The following MYO7B variants were observed in gnomAD, a reference collection of about 807,000 sequenced individuals.
The protein encoded by MYO7B is myosin VIIB.
In MYO7B, 212 loss-of-function variants were observed where a neutral mutation model predicts 259.7. The observed-to-expected ratio is 0.82, with a 90% confidence interval of 0.73 to 0.91. MYO7B has a LOEUF of 0.91. MYO7B is among the 40% of genes least tolerant of loss of function. The pLI is 0.00. For missense variants in MYO7B, 2,732 were observed against 2,813.5 expected (o/e 0.97, Z 0.66); for synonymous variants, 1,197 against 1,166.4 (o/e 1.03, Z -0.54).
Position 127,628,553 on chromosome 2 carries a change from G to A in MYO7B, c.4624+18G>A, listed in dbSNP as rs1681281730. On this transcript the variant is annotated intron_variant, in intron 34 of 47. Coordinates refer to ENST00000409816, the MANE Select transcript of MYO7B (RefSeq NM_001393586.1). The surrounding 1 kb of genome is among the most constrained non-coding windows in gnomAD (Gnocchi z 4.8). ...GGCCACAGGTGCCAGACTGGGTGGG[G>A]TGGGGTGGGGTGGGGTGGGGTGGGG... 1.7e-6 allele frequency: 2 copies of A among 1,186,414 alleles called. No homozygotes were observed. The highest frequency in any genetic ancestry group is 2.3e-6 in the Non-Finnish European group (2 of 858,160). The allele number at this position is 1,186,414 out of a possible 1,614,324, so 73.5% of individuals were successfully genotyped here.
chr2:127,635,043 G>A, intron 42 of MYO7B, 77 bp from the exon 43 acceptor site: 5 of 1,174,684 alleles, frequency 4.3e-6, no homozygotes, highest in Non-Finnish European at 6.2e-6. Flanking sequence ...GGCAGGCGCA[G>A]TGTGGGGGGT....
intron 26 of MYO7B, among the ~76,000 whole-genome samples, chr2:127,616,082 T>G (rs1558837495): frequency 6.6e-6 from 1 of 152,064 alleles, no homozygotes; most frequent in Non-Finnish European, 1.5e-5. Flanking sequence ...AAGCATCCGC[T>G]CCACAAGCTG....
chr2:127,574,179 A>G, intron 7 of MYO7B, 117 bp downstream of exon 7: 2 of 1,308,338 alleles, frequency 1.5e-6, no homozygotes, highest in Non-Finnish European at 2.1e-6. Flanking sequence ...CCCAGAACCC[A>G]CAGGCCTCAC....
intron 15 of MYO7B, 49 bp downstream of exon 15, chr2:127,588,604 G>C (rs746574819): frequency 6.2e-7 from 1 of 1,606,332 alleles, no homozygotes; most frequent in East Asian, 2.2e-5. Context: ...ATGGCTACAG[G>C]GCCAGACAGA....
At chr2:127,635,643 A>T in intron 43 of MYO7B, 79 bp from the exon 44 acceptor site, 1 of 1,445,128 alleles carries the variant, frequency 6.9e-7, no homozygotes, top group Non-Finnish European at 9.4e-7. Context: ...CCAGTTCCCC[A>T]CCATCTGAGC....
chr2:127,548,173 A>G (rs967576344), intron 1 of MYO7B, among the ~76,000 whole-genome samples: 15 of 152,224 alleles, frequency 9.9e-5, no homozygotes, highest in African/African-American at 2.9e-4. Flanking sequence ...CATTTCCAAT[A>G]GTAGTTAATT....
chr2:127,627,496 C>G lies in MYO7B; in HGVS notation c.4460+186C>G. 1 of 836,606 alleles carries G rather than the reference C, an allele frequency of 1.2e-6. No homozygotes were observed. The highest frequency in any genetic ancestry group is 2.0e-6 in the Non-Finnish European group (1 of 512,098). The allele number at this position is 836,606 out of a possible 1,614,324, so 51.8% of individuals were successfully genotyped here. A position where few individuals can be genotyped will look rare whatever the true frequency, so the allele number is the denominator to read the frequency against. On this transcript the variant is annotated intron_variant, in intron 33 of 47. Coordinates refer to ENST00000409816, the MANE Select transcript of MYO7B (RefSeq NM_001393586.1). The surrounding 1 kb of genome is among the most constrained non-coding windows in gnomAD (Gnocchi z 5.6). ...CCCCACCCTCCTGCACCAGGCCGTA[C>G]TGCCCATGAAGTACTCCATTGGGGC...
Position 127,576,494 on chromosome 2 carries a change from G to A in MYO7B, c.736-101G>A, listed in dbSNP as rs1322725169. On this transcript the variant is annotated intron_variant, in intron 7 of 47. Transcript: ENST00000409816. The surrounding 1 kb of genome is among the most constrained non-coding windows in gnomAD (Gnocchi z 4.9). ...GAGCTGCTCCTGGCTGAGAGATGTG[G>A]AGCGGAGGCCAGGGCTGGGCTGGGC... 7.6e-6 allele frequency: 5 copies of A among 658,696 alleles called. No individual in the cohort carries two copies. In the East Asian group the frequency reaches 1.2e-4, roughly 16 times the overall value. The allele number at this position is 658,696 out of a possible 1,614,324, so 40.8% of individuals were successfully genotyped here.
rs534504473 is a variant in MYO7B at position 127,635,038 on chromosome 2, G to A, written c.5714-82G>A. 35 of 1,107,376 alleles carry A rather than the reference G, an allele frequency of 3.2e-5. 1 individual carries two copies. Among genetic ancestry groups the A allele is most frequent in the African/African-American group, 2.5e-4 (16 of 64,634 alleles). 68.6% of individuals were successfully genotyped at this position (1,107,376 alleles called of 1,614,324 possible). A position where few individuals can be genotyped will look rare whatever the true frequency, so the allele number is the denominator to read the frequency against. ...GGCTTTCGAGGCAGGGAGGTGGCAG[G>A]CGCAGTGTGGGGGGTGGCAGGGGGT... On this transcript the variant is annotated intron_variant, in intron 42 of 47. Transcript: ENST00000409816.
intron 1 of MYO7B, among the ~76,000 whole-genome samples, chr2:127,537,719 G>A (rs1692844294): frequency 1.3e-5 from 2 of 151,932 alleles, no homozygotes; most frequent in African/African-American, 4.8e-5. Flanking sequence ...GGGAGGAGAA[G>A]GAGAAGGAGG....
Position 127,629,521 on chromosome 2 carries a change from G to T in MYO7B, c.4625-124G>T, listed in dbSNP as rs989195276. 4 of 922,486 alleles carry T rather than the reference G, an allele frequency of 4.3e-6. No homozygotes were observed. In the Admixed American group the frequency reaches 1.1e-4, roughly 25 times the overall value. The allele number at this position is 922,486 out of a possible 1,614,324, so 57.1% of individuals were successfully genotyped here. ...CCAGTCCCACCATCGCTCACTCTTG[G>T]AGTGGTCTTCTGCCCACCACTCTAT... On this transcript the variant is annotated intron_variant, in intron 34 of 47. Transcript: ENST00000409816.
At chr2:127,564,007 A>G (rs189995512) in intron 2 of MYO7B, 146 bp from the exon 3 acceptor site, 20 of 574,284 alleles carry the variant, frequency 3.5e-5, no homozygotes, top group Non-Finnish European at 5.3e-5. Context: ...GAGAGATGGG[A>G]GAGGGGAGGA....
At chr2:127,588,664 T>C (rs1679399647) in intron 15 of MYO7B, 109 bp downstream of exon 15, 2 of 1,343,070 alleles carry the variant, frequency 1.5e-6, no homozygotes, top group East Asian at 2.3e-5. Flanking sequence ...CAGCATGCAG[T>C]TGGCACTTGG....
Position 127,623,372 on chromosome 2 carries a change from C to A in MYO7B, c.3816C>A (p.Asp1272Glu), listed in dbSNP as rs761254895. 1 of 1,583,950 alleles carries A rather than the reference C, an allele frequency of 6.3e-7. No homozygotes were observed. The highest frequency in any genetic ancestry group is 2.3e-5 in the East Asian group (1 of 44,172). The change falls in exon 29 of 48, where the codon GAC (aspartate) becomes GAA (glutamate). Residue 1272 changes from aspartate to glutamate, a missense_variant. This residue lies in a region of MYO7B where 1,906 missense variants were observed against 2,026.4 expected (regional missense o/e 0.94). Coordinates refer to ENST00000409816, the MANE Select transcript of MYO7B (RefSeq NM_001393586.1). ...LGFSLQVAVYDKFWSLGSGRD... is the reference protein window; with the variant it reads ...LGFSLQVAVYEKFWSLGSGRD... ...TCTCCCTCCAGGTCGCCGTGTACGA[C>A]AAGGTACCAGCCAGGCACCCTGCCC...
rs529059101 is a variant in MYO7B, at chr2:127,598,801, T to A, written c.2339+2245T>A. On this transcript the variant is annotated intron_variant, in intron 19 of 47. Transcript: ENST00000409816. Reference sequence around the variant, plus strand: ...GGTTCTTTTAAATTTTTTTCTATGGTTGTCTCCCCAGTATTATTCATAAAA... The same window carrying A: ...GGTTCTTTTAAATTTTTTTCTATGGATGTCTCCCCAGTATTATTCATAAAA... Among the ~76,000 whole-genome samples, 121 of 152,348 alleles carry A rather than the reference T, an allele frequency of 7.9e-4. 1 individual carries two copies. In the South Asian group the frequency reaches 0.024, roughly 31 times the overall value.
At position 127,546,388 on chromosome 2, in the gene MYO7B, C is replaced by G. The variant is rs1166613613; in HGVS notation, c.-24+10557C>G. Reference sequence around the variant, plus strand: ...TTGCCCACTCCAGCCCTGTCCTGGTCCAGCAATGCTTTGATCTTCCCTGCA... The same window carrying G: ...TTGCCCACTCCAGCCCTGTCCTGGTGCAGCAATGCTTTGATCTTCCCTGCA... On this transcript the variant is annotated intron_variant, in intron 1 of 47. Transcript: ENST00000409816. The surrounding 1 kb of genome is among the most constrained non-coding windows in gnomAD (Gnocchi z 4.2). Among the ~76,000 whole-genome samples, 2 of 152,178 alleles carry G rather than the reference C, an allele frequency of 1.3e-5. No homozygotes were observed. Among genetic ancestry groups the G allele is most frequent in the Non-Finnish European group, 2.9e-5 (2 of 68,030 alleles).
chr2:127,586,426 G>A lies in MYO7B; in HGVS notation c.1690+1513G>A, dbSNP rs1397273285. On this transcript the variant is annotated intron_variant, in intron 14 of 47. Coordinates refer to ENST00000409816, the MANE Select transcript of MYO7B (RefSeq NM_001393586.1). This position sits in a 1 kb window ranked among gnomAD's most constrained non-coding sequence, Gnocchi z 4.8. ...GTTCTGGTCTATTTAACTGGAGACA[G>A]GAATCCAGGGATGATTCTTTTGAGT... Among the ~76,000 whole-genome samples, 1 of 152,202 alleles carries A rather than the reference G, an allele frequency of 6.6e-6. No homozygotes were observed. The highest frequency in any genetic ancestry group is 1.9e-4 in the East Asian group (1 of 5,190).
chr2:127,632,005 G>A (rs1018124231), intron 38 of MYO7B, among the ~76,000 whole-genome samples: 2 of 152,228 alleles, frequency 1.3e-5, no homozygotes, highest in African/African-American at 4.8e-5. Context: ...TGACCTCTCT[G>A]AGCTTCAGTG....
Position 127,590,482 on chromosome 2 carries a change from G to C in MYO7B, c.1992+253G>C, listed in dbSNP as rs1679516077. On this transcript the variant is annotated intron_variant, in intron 16 of 47. Coordinates refer to ENST00000409816, the MANE Select transcript of MYO7B (RefSeq NM_001393586.1). The surrounding 1 kb of genome is among the most constrained non-coding windows in gnomAD (Gnocchi z 4.6). Reference sequence around the variant, plus strand: ...GCATCTTCTGTGCGTTCTTGGCCTGGCTCTTTGCTGCTGTGAGCCTCAGTT... The same window carrying C: ...GCATCTTCTGTGCGTTCTTGGCCTGCCTCTTTGCTGCTGTGAGCCTCAGTT... Among the ~76,000 whole-genome samples the C allele has an allele frequency of 6.6e-6, 1 of 152,212 alleles. No homozygotes were observed. Among genetic ancestry groups the C allele is most frequent in the Non-Finnish European group, 1.5e-5 (1 of 68,038 alleles).
Sources: allele counts gnomAD v4.1 joint callset (sites outside exome capture counted in the v4.1 genomes callset), GRCh38; gene constraint gnomAD v4.1.1; regional missense constraint gnomAD v4.1.1; non-coding constraint Gnocchi (gnomAD v3.1); transcripts MANE v1.5; gene names NCBI Gene and HGNC (gene_info 2026-07-23, HGNC 2026-07-21).